ASXL3: variants seen among roughly 807,000 people sequenced by gnomAD.
ASXL3 encodes the protein ASXL transcriptional regulator 3, also known as putative Polycomb group protein ASXL3.
In ASXL3, 34 loss-of-function variants were observed where a neutral mutation model predicts 170.6. That is an observed-to-expected ratio of 0.20 (90% confidence interval 0.15 to 0.27). The LOEUF is 0.27. Among genes scored for constraint, ASXL3 ranks in the 10% least tolerant of loss-of-function variants. The pLI, the probability that ASXL3 is intolerant of heterozygous loss-of-function variation, is 1.00. For missense variants in ASXL3, 2,592 were observed against 2,695.3 expected, an observed-to-expected ratio of 0.96 and a Z score of 0.85; for synonymous variants, 1,002 against 989.1, an observed-to-expected ratio of 1.01 and a Z score of -0.24.
intron 1 of ASXL3, among the ~76,000 whole-genome samples, chr18:33,597,493 A>G (rs924541546): frequency 2.6e-5 from 4 of 152,116 alleles, no homozygotes; most frequent in African/African-American, 7.2e-5. Flanking sequence ...TTGGAGTCAT[A>G]ATCTCATATA....
intron 1 of ASXL3, among the ~76,000 whole-genome samples, chr18:33,600,229 T>C (rs1043171277): frequency 6.6e-6 from 1 of 152,172 alleles, no homozygotes; most frequent in African/African-American, 2.4e-5. Context: ...TTTAAAAATA[T>C]GTGGCAACGT....
chr18:33,738,453 G>A (rs764631128), intron 10 of ASXL3, 34 bp from the exon 11 acceptor site: 4 of 1,549,252 alleles, frequency 2.6e-6, no homozygotes, highest in Non-Finnish European at 1.7e-6. Flanking sequence ...ATGTTTTGTG[G>A]TTGAGCAATA....
At chr18:33,669,686 C>T (rs529276287) in intron 5 of ASXL3, among the ~76,000 whole-genome samples, 2 of 152,138 alleles carry the variant, frequency 1.3e-5, no homozygotes, top group East Asian at 1.9e-4. Context: ...AACTCTCAGT[C>T]GAAGAACATT....
chr18:33,585,276 A>C (rs542093005), intron 1 of ASXL3, among the ~76,000 whole-genome samples: 1 of 152,204 alleles, frequency 6.6e-6, no homozygotes, highest in Admixed American at 6.5e-5. Flanking sequence ...ATTTGCCAGC[A>C]CTGAGTGCCT....
At chr18:33,722,195 C>T (rs567304843) in intron 8 of ASXL3, among the ~76,000 whole-genome samples, 9 of 152,140 alleles carry the variant, frequency 5.9e-5, no homozygotes, top group African/African-American at 2.2e-4. Flanking sequence ...CTACAATGGC[C>T]TCTAAGAGTT....
intron 8 of ASXL3, among the ~76,000 whole-genome samples, chr18:33,719,724 A>G (rs138121238): frequency 5.5e-4 from 83 of 152,102 alleles, no homozygotes; most frequent in African/African-American, 1.9e-3. Flanking sequence ...CTCTTATAAG[A>G]AACCCCAGAA....
At chr18:33,669,242 T>C (rs2066304676) in intron 5 of ASXL3, among the ~76,000 whole-genome samples, 1 of 152,312 alleles carries the variant, frequency 6.6e-6, no homozygotes, top group African/African-American at 2.4e-5. Context: ...TTAAATATTT[T>C]ATAACACATA....
chr18:33,612,191 A>G (rs910522708), intron 2 of ASXL3, among the ~76,000 whole-genome samples: 11 of 151,870 alleles, frequency 7.2e-5, no homozygotes, highest in Admixed American at 2.0e-4. Context: ...AAACATATAT[A>G]TATATATACA....
At chr18:33,740,588 C>A in intron 11 of ASXL3, 145 bp downstream of exon 11, 1 of 818,852 alleles carries the variant, frequency 1.2e-6, no homozygotes, top group Non-Finnish European at 1.8e-6. Context: ...AAATGATCCT[C>A]TTTATGACTA....
chr18:33,620,083 A>C (rs944829167), intron 2 of ASXL3, among the ~76,000 whole-genome samples: 2 of 152,106 alleles, frequency 1.3e-5, no homozygotes, highest in African/African-American at 2.4e-5. Flanking sequence ...TCACCCATTT[A>C]TTATACTCCC....
chr18:33,600,335 A>G (rs2065171359), intron 1 of ASXL3, among the ~76,000 whole-genome samples: 1 of 152,166 alleles, frequency 6.6e-6, no homozygotes, highest in Admixed American at 6.6e-5. Context: ...GTAATTTAAC[A>G]TTAAATAATT....
At chr18:33,666,239 C>T (rs540264798) in intron 5 of ASXL3, among the ~76,000 whole-genome samples, 58 of 152,316 alleles carry the variant, frequency 3.8e-4, no homozygotes, top group Admixed American at 1.4e-3. Context: ...TAGCATTCCA[C>T]AGTACAGCTA....
At chr18:33,711,278 C>T (rs1270849834) in intron 8 of ASXL3, among the ~76,000 whole-genome samples, 2 of 152,008 alleles carry the variant, frequency 1.3e-5, no homozygotes, top group Non-Finnish European at 2.9e-5. Flanking sequence ...TTTGCTTTCT[C>T]TTTTTTATGC....
intron 1 of ASXL3, among the ~76,000 whole-genome samples, chr18:33,588,028 T>C (rs1390807427): frequency 6.6e-6 from 1 of 152,166 alleles, no homozygotes; most frequent in Non-Finnish European, 1.5e-5. Context: ...TTAATGTTTA[T>C]GGGTGGATTT....
At chr18:33,691,417 G>A (rs1568330908) in intron 8 of ASXL3, among the ~76,000 whole-genome samples, 2 of 152,198 alleles carry the variant, frequency 1.3e-5, no homozygotes, top group Non-Finnish European at 2.9e-5. Flanking sequence ...ACTTGAAGGA[G>A]CTGTTGTGGC....
At position 33,738,532 on chromosome 18, in the gene ASXL3, A is replaced by C. The variant is rs779993571; in HGVS notation, c.1128A>C (p.Pro376=). ...AATCTGTGAAGCTCACTACTGGACC[A>C]AACAACGCTGGAGCTCAAAGTAGTT... is the stretch of plus-strand genomic sequence containing the variant. ...REESVKLTTG[P]NNAGAQSSSS... The change falls in exon 11 of 12, where the codon CCA becomes CCC. Residue 376 remains proline (P), a synonymous_variant. Coordinates refer to ENST00000269197, the MANE Select transcript of ASXL3 (RefSeq NM_030632.3). The C allele has an allele frequency of 3.7e-6, 6 of 1,613,736 alleles. No homozygotes were observed. The highest frequency in any genetic ancestry group is 5.1e-6 in the Non-Finnish European group (6 of 1,179,782).
In ASXL3 at chr18:33,743,631, C is replaced by T. The variant is rs560069370; in HGVS notation, c.3783C>T (p.Ser1261=). The T allele has an allele frequency of 1.2e-6, 2 of 1,613,610 alleles. No individual in the cohort carries two copies. Among genetic ancestry groups the T allele is most frequent in the Non-Finnish European group, 1.7e-6 (2 of 1,179,860 alleles). The part of the protein sequence containing the change: ...EHPFVSSVDK[S]SVLMSVDSAN... ...CCTTTGTGAGTTCTGTTGATAAATC[C>T]TCTGTCCTAATGTCTGTTGACAGTG... is the stretch of plus-strand genomic sequence containing the variant. The change falls in exon 12 of 12, where the codon TCC becomes TCT. Residue 1261 remains serine (S), a synonymous_variant. Coordinates refer to ENST00000269197, the MANE Select transcript of ASXL3 (RefSeq NM_030632.3).
In ASXL3 at chr18:33,642,910, G is replaced by A. The variant is rs537992774; in HGVS notation, c.138-1984G>A. On this transcript the variant is annotated intron_variant, in intron 2 of 11. Coordinates refer to ENST00000269197, the MANE Select transcript of ASXL3 (RefSeq NM_030632.3). ...CTTTAAATCTGTATTGTTATTTAAC[G>A]TGCTGAATCTGAGTTGTTGGAATCA... is the stretch of plus-strand genomic sequence containing the variant. Among the ~76,000 whole-genome samples, 8 of 151,862 alleles carry A rather than the reference G, an allele frequency of 5.3e-5. No homozygotes were observed. In the East Asian group the frequency reaches 1.2e-3, roughly 22 times the overall value.
rs949325501 is a variant in ASXL3, at chr18:33,738,392, A to G, written c.1083-95A>G. ...AATGATTATAAATGTAATTTGATGC[A>G]TTTACTTCTATTGAATACTACATTC... On this transcript the variant is annotated intron_variant, in intron 10 of 11. Coordinates refer to ENST00000269197, the MANE Select transcript of ASXL3 (RefSeq NM_030632.3). 29 of 1,238,066 alleles carry G rather than the reference A, an allele frequency of 2.3e-5. No homozygotes were observed. The African/African-American group carries it at 3.4e-4, about 14-fold the overall frequency. 76.7% of individuals were successfully genotyped at this position (1,238,066 alleles called of 1,614,324 possible). A position where few individuals can be genotyped will look rare whatever the true frequency, so the allele number is the denominator to read the frequency against.
Sources: gnomAD v4.1 joint callset for allele counts (sites outside exome capture counted in the v4.1 genomes callset) on GRCh38, gnomAD v4.1.1 for gene constraint, MANE v1.5 for transcripts, NCBI Gene and HGNC (gene_info 2026-07-23, HGNC 2026-07-21) for gene names.